The following ACSM2B variants were observed in gnomAD, a reference collection of about 807,000 sequenced individuals.
ACSM2B encodes the protein acyl-coenzyme A synthetase ACSM2B, mitochondrial.
ACSM2B carries 58 observed loss-of-function variants against 78.6 expected under a neutral mutation model. The observed-to-expected ratio is 0.74, with a 90% CI of 0.60 to 0.92. ACSM2B has a LOEUF of 0.92. Ranked by LOEUF, ACSM2B falls within the 40% of genes least tolerant of loss-of-function variation. ACSM2B has a pLI of 0.00. For missense variants in ACSM2B, 688 were observed against 711.2 expected, an observed-to-expected ratio of 0.97 and a Z score of 0.37; for synonymous variants, 257 against 256.8, an observed-to-expected ratio of 1.00 and a Z score of -0.01.
At chr16:20,554,740 T>G (rs2015416866) in intron 4 of ACSM2B, among the ~76,000 whole-genome samples, 2 of 152,316 alleles carry the variant, frequency 1.3e-5, no homozygotes, top group East Asian at 3.9e-4. Flanking sequence ...TCTCTTGGGT[T>G]TTCCCTCATG....
chr16:20,547,634 T>A, intron 8 of ACSM2B: 2 of 1,006,856 alleles, frequency 2.0e-6, no homozygotes, highest in Non-Finnish European at 2.4e-6. Flanking sequence ...CTTCTTCCCA[T>A]TCCTCACTTC....
chr16:20,547,294 A>G, intron 8 of ACSM2B: 6 of 985,428 alleles, frequency 6.1e-6, no homozygotes, highest in Non-Finnish European at 7.2e-6. Flanking sequence ...TGCTTGCCAC[A>G]ACTCCATTGT....
At chr16:20,566,840 C>A in intron 1 of ACSM2B, among the ~76,000 whole-genome samples, 2 of 113,896 alleles carry the variant, frequency 1.8e-5, no homozygotes, top group Non-Finnish European at 3.4e-5. Context: ...TATATATATA[C>A]TATATATAGA....
Position 20,536,842 on chromosome 16 carries a change from AT to A in ACSM2B, c.*415del, listed in dbSNP as rs1481482365. 5.0e-5 allele frequency: 6 copies of A among 119,304 alleles called. No individual in the cohort carries two copies. The highest frequency in any genetic ancestry group is 2.0e-4 in the African/African-American group (6 of 30,578). 7.4% of individuals were successfully genotyped at this position (119,304 alleles called of 1,614,324 possible). On this transcript the variant is annotated 3_prime_UTR_variant, in exon 14 of 14. Coordinates refer to ENST00000329697, the MANE Select transcript of ACSM2B (RefSeq NM_001105069.2). ...CTTTCTTCTTTCTCTTTCTCTCTTT[AT>A]TTCTTTCCTTTCTTCTCTTTATTTT...
At chr16:20,567,680 A>T (rs964720307) in intron 1 of ACSM2B, among the ~76,000 whole-genome samples, 3 of 138,312 alleles carry the variant, frequency 2.2e-5, no homozygotes, top group African/African-American at 8.0e-5. Flanking sequence ...TATTATATAT[A>T]TCTAGACCTA....
At chr16:20,552,441 G>A in intron 5 of ACSM2B, 144 bp from the exon 6 acceptor site, 1 of 1,244,164 alleles carries the variant, frequency 8.0e-7, no homozygotes, top group Non-Finnish European at 1.1e-6. Context: ...ATATGTTTAA[G>A]TATAAGTAGG....
At chr16:20,567,985 A>G (rs1395763102) in intron 1 of ACSM2B, among the ~76,000 whole-genome samples, 4 of 143,286 alleles carry the variant, frequency 2.8e-5, no homozygotes, top group Non-Finnish European at 6.1e-5. Context: ...TAAAATATTC[A>G]CGTATTTTTA....
chr16:20,543,248 C>G lies in ACSM2B; in HGVS notation c.1296G>C (p.Lys432Asn). ...AGTCTCCTCGAATGTTGGCTGCTGT[C>G]TTGTCGGGATTTTCCTGGTGACCAC... The part of the protein sequence containing the change: ...IFSGYVENPD[K>N]TAANIRGDFW... Residue 432 changes from lysine (K) to asparagine (N), a missense_variant, in exon 11 of 14, where the codon AAG becomes AAC. Coordinates refer to ENST00000329697, the MANE Select transcript of ACSM2B (RefSeq NM_001105069.2). The G allele has an allele frequency of 1.2e-6, 2 of 1,611,180 alleles. No individual in the cohort carries two copies. The highest frequency in any genetic ancestry group is 1.7e-6 in the Non-Finnish European group (2 of 1,179,862).
At chr16:20,562,137 A>T (rs11645996) in intron 2 of ACSM2B, among the ~76,000 whole-genome samples, 27,757 of 151,654 alleles carry the variant, frequency 0.18, 3,580 homozygotes, top group East Asian at 0.69. Context: ...TTTGGTGTAT[A>T]CCCAGAGTTG....
intron 2 of ACSM2B, among the ~76,000 whole-genome samples, chr16:20,562,761 C>T (rs577624030): frequency 2.6e-5 from 4 of 152,250 alleles, no homozygotes; most frequent in African/African-American, 9.6e-5. Context: ...GCTTAGGAGT[C>T]ATGTAACCAG....
At chr16:20,553,233 T>C (rs1162756030) in intron 5 of ACSM2B, among the ~76,000 whole-genome samples, 1 of 152,228 alleles carries the variant, frequency 6.6e-6, no homozygotes, top group Non-Finnish European at 1.5e-5. Flanking sequence ...TCTGATGATT[T>C]ATAGATATCA....
At chr16:20,547,346 C>G in intron 8 of ACSM2B, 2 of 985,222 alleles carry the variant, frequency 2.0e-6, no homozygotes, top group South Asian at 4.7e-5. Flanking sequence ...TCTTTCATAC[C>G]ACAGAGCTGC....
chr16:20,574,580 A>T (rs962051229), intron 1 of ACSM2B: 7 of 151,516 alleles, frequency 4.6e-5, no homozygotes, highest in African/African-American at 1.7e-4. Context: ...TATCCATGAA[A>T]TCTTCACAAT....
At chr16:20,561,687 T>C (rs1384908348) in intron 2 of ACSM2B, among the ~76,000 whole-genome samples, 3 of 151,952 alleles carry the variant, frequency 2.0e-5, no homozygotes, top group Admixed American at 1.3e-4. Flanking sequence ...ATAATCTCTT[T>C]TTTTTTTGGT....
intron 10 of ACSM2B, 88 bp downstream of exon 10, chr16:20,545,069 G>T: frequency 1.4e-6 from 2 of 1,451,290 alleles, no homozygotes; most frequent in Non-Finnish European, 1.9e-6. Context: ...AATGCCTCTT[G>T]GAAGTTTCAG....
At chr16:20,554,873 C>G (rs2015420710) in intron 4 of ACSM2B, among the ~76,000 whole-genome samples, 1 of 152,170 alleles carries the variant, frequency 6.6e-6, no homozygotes, top group African/African-American at 2.4e-5. Flanking sequence ...ACTTTGTGCC[C>G]CATAGTTTCT....
At chr16:20,554,434 A>G (rs984691213) in intron 4 of ACSM2B, among the ~76,000 whole-genome samples, 2 of 152,166 alleles carry the variant, frequency 1.3e-5, no homozygotes, top group Non-Finnish European at 2.9e-5. Context: ...TTGAACCTTT[A>G]AAAGCAGGCA....
chr16:20,566,885 T>A (rs1435635333), intron 1 of ACSM2B, among the ~76,000 whole-genome samples: 1 of 127,706 alleles, frequency 7.8e-6, no homozygotes, highest in Non-Finnish European at 1.6e-5. Context: ...CTATATATAA[T>A]ATATGATACA....
chr16:20,575,144 C>T (rs2016209235), intron 1 of ACSM2B, among the ~76,000 whole-genome samples: 1 of 151,428 alleles, frequency 6.6e-6, no homozygotes, highest in Non-Finnish European at 1.5e-5. Flanking sequence ...TATTAAGGCA[C>T]CAACTCCAGA....
Sources: allele counts gnomAD v4.1 joint callset (sites outside exome capture counted in the v4.1 genomes callset), GRCh38; gene constraint gnomAD v4.1.1; transcripts MANE v1.5; gene names NCBI Gene and HGNC (gene_info 2026-07-23, HGNC 2026-07-21).